Variants in DMD observed in about 807,000 individuals in gnomAD.
DMD encodes dystrophin.
A neutral mutation model predicts 330.1 loss-of-function variants in DMD; 63 were observed. The ratio of observed to expected loss-of-function variants is 0.19; its 90% CI spans 0.16 to 0.24. The LOEUF (loss-of-function observed/expected upper bound fraction) is 0.24, where lower values mean the gene tolerates loss of function less well. Among genes scored for constraint, DMD ranks in the 10% least tolerant of loss-of-function variants. The pLI, the probability that DMD is intolerant of heterozygous loss-of-function variation, is 1.00. For missense variants in DMD, 3,344 were observed against 2,684.1 expected (o/e 1.25, Z -5.43); for synonymous variants, 1,223 against 959.8 (o/e 1.27, Z -5.07).
chrX:32,051,586 G>C (rs2096115436), intron 44 of DMD, among the ~76,000 whole-genome samples: 1 of 109,490 alleles, frequency 9.1e-6, no homozygotes, highest in Non-Finnish European at 1.9e-5. Context: ...TAGGTGAAGT[G>C]AATGAATATG....
At chrX:32,243,955 C>CTTT (rs145842581) in intron 43 of DMD, among the ~76,000 whole-genome samples, 3,630 of 101,505 alleles carry the variant, frequency 0.036, 202 homozygotes, top group East Asian at 0.2. Context: ...GAGGAACGAA[C>CTTT]TTTTTTTTTT....
At chrX:32,291,485 G>T (rs1278648691) in intron 42 of DMD, among the ~76,000 whole-genome samples, 1 of 111,853 alleles carries the variant, frequency 8.9e-6, no homozygotes, top group Non-Finnish European at 1.9e-5. Flanking sequence ...TTCATTAATT[G>T]AATCAAGTAT....
chrX:32,913,732 T>C (rs1484087578), intron 2 of DMD, among the ~76,000 whole-genome samples: 2 of 111,712 alleles, frequency 1.8e-5, no homozygotes, highest in Non-Finnish European at 3.8e-5. Context: ...GCCTCACGAC[T>C]TTGTCCAAAG....
intron 41 of DMD, among the ~76,000 whole-genome samples, chrX:32,318,000 T>C (rs1420221696): frequency 9.0e-6 from 1 of 111,236 alleles, no homozygotes; most frequent in East Asian, 2.8e-4. Context: ...CAAAGGGACA[T>C]TCTTAAATAT....
chrX:31,935,960 G>A (rs949850199), intron 45 of DMD, among the ~76,000 whole-genome samples: 1 of 111,142 alleles, frequency 9.0e-6, no homozygotes, highest in African/African-American at 3.3e-5. Context: ...GAGGAGAGAT[G>A]TTGTGCTTAT....
At chrX:32,644,078 C>T in intron 11 of DMD, 54 bp downstream of exon 11, 1 of 1,043,507 alleles carries the variant, frequency 9.6e-7, no homozygotes, top group South Asian at 2.1e-5. Flanking sequence ...TCAAAATAAT[C>T]ACAAGCTTCC....
chrX:32,071,083 G>T (rs1454611039), intron 44 of DMD, among the ~76,000 whole-genome samples: 2 of 111,119 alleles, frequency 1.8e-5, no homozygotes, highest in African/African-American at 6.6e-5. Flanking sequence ...ATTTGGGTTG[G>T]TTCCAAGTCT....
At chrX:33,095,930 T>C (rs987388690) in intron 1 of DMD, among the ~76,000 whole-genome samples, 3 of 108,553 alleles carry the variant, frequency 2.8e-5, no homozygotes, top group Admixed American at 1.0e-4. Context: ...TGGTGTCCCT[T>C]AAGAGTGCTA....
chrX:31,670,127 T>G (rs2081667287), intron 53 of DMD, among the ~76,000 whole-genome samples: 1 of 111,902 alleles, frequency 8.9e-6, no homozygotes, highest in Non-Finnish European at 1.9e-5. Context: ...AAATAATTCA[T>G]TTTGTATATT....
At chrX:31,473,834 T>C (rs151141638) in intron 59 of DMD, among the ~76,000 whole-genome samples, 3,151 of 111,672 alleles carry the variant, frequency 0.028, 46 homozygotes, top group Non-Finnish European at 0.046. Context: ...TTAAAGCCTT[T>C]ATATATTCCA....
rs768432474 is a variant in DMD, at chrX:31,992,408, C to T, written c.6439-23894G>A. Among the ~76,000 whole-genome samples the T allele has an allele frequency of 1.0e-3, 116 of 111,711 alleles. 1 individual carries two copies. Among genetic ancestry groups the T allele is most frequent in the African/African-American group, 3.5e-3 (108 of 30,784 alleles). On this transcript the variant is annotated intron_variant, in intron 44 of 78. Coordinates refer to ENST00000357033, the MANE Select transcript of DMD (RefSeq NM_004006.3). Reference sequence around the variant, plus strand: ...TGCCTCCATGAGCAGGCCATTAAAACTATCTGGAAATGTTGAAAGGACTAT... The same window carrying T: ...TGCCTCCATGAGCAGGCCATTAAAATTATCTGGAAATGTTGAAAGGACTAT...
chrX:31,314,753 A>C (rs1157193730), intron 62 of DMD, among the ~76,000 whole-genome samples: 2 of 101,513 alleles, frequency 2.0e-5, no homozygotes, highest in Admixed American at 2.1e-4. Context: ...AGAGAGAGAG[A>C]GAGAGAGAGA....
intron 37 of DMD, among the ~76,000 whole-genome samples, chrX:32,352,994 T>A (rs2097786931): frequency 9.0e-6 from 1 of 111,218 alleles, no homozygotes; most frequent in Non-Finnish European, 1.9e-5. Flanking sequence ...GCCTTTTATT[T>A]TATACAGGAA....
intron 1 of DMD, among the ~76,000 whole-genome samples, chrX:33,202,875 G>A (rs1035067877): frequency 5.4e-5 from 6 of 111,551 alleles, no homozygotes; most frequent in Non-Finnish European, 1.1e-4. Flanking sequence ...GAGAACATAG[G>A]TGTTCAACAA....
intron 45 of DMD, among the ~76,000 whole-genome samples, chrX:31,947,469 A>G (rs751932873): frequency 8.9e-6 from 1 of 111,743 alleles, no homozygotes; most frequent in South Asian, 3.8e-4. Flanking sequence ...TTTAAGGTGT[A>G]CACGATGGGT....
At chrX:32,886,783 A>T (rs2084634271) in intron 2 of DMD, among the ~76,000 whole-genome samples, 1 of 112,281 alleles carries the variant, frequency 8.9e-6, no homozygotes, top group Admixed American at 9.4e-5. Context: ...CAACAAAAAT[A>T]AAAAACTAAA....
In DMD at chrX:32,591,195, T is replaced by G. The variant is rs1338681342; in HGVS notation, c.1602+4562A>C. Among the ~76,000 whole-genome samples, 4 of 111,797 alleles carry G rather than the reference T, an allele frequency of 3.6e-5. No homozygotes were observed. In the East Asian group the frequency reaches 1.1e-3, roughly 32 times the overall value. ...ATATACTTTTAATTCTCCAAAATAT[T>G]AGGCAGTAACTTCAATATTAAAGTA... On this transcript the variant is annotated intron_variant, in intron 13 of 78. Coordinates refer to ENST00000357033, the MANE Select transcript of DMD (RefSeq NM_004006.3).
In DMD at chrX:32,595,881, A is replaced by G; in HGVS notation, c.1483-5T>C. ...TTCTAGATCTTCTTGAAGCACCTGAAAGATAAAATGTTTTAAAGGAAATTA... is the reference window on the plus strand; with the variant it reads ...TTCTAGATCTTCTTGAAGCACCTGAGAGATAAAATGTTTTAAAGGAAATTA... On this transcript the variant is annotated splice_polypyrimidine_tract_variant and splice_region_variant and intron_variant, in intron 12 of 78. Transcript: ENST00000357033. 1 of 1,185,268 alleles carries G rather than the reference A, an allele frequency of 8.4e-7. No individual in the cohort carries two copies. The highest frequency in any genetic ancestry group is 1.1e-6 in the Non-Finnish European group (1 of 871,679).
chrX:32,038,223 C>T (rs754822717), intron 44 of DMD, among the ~76,000 whole-genome samples: 3 of 111,546 alleles, frequency 2.7e-5, no homozygotes, highest in Non-Finnish European at 5.7e-5. Context: ...GACATTAAGA[C>T]GGATCTATCG....
Sources: gnomAD v4.1 joint callset for allele counts (sites outside exome capture counted in the v4.1 genomes callset) on GRCh38, gnomAD v4.1.1 for gene constraint, MANE v1.5 for transcripts, NCBI Gene and HGNC (gene_info 2026-07-23, HGNC 2026-07-21) for gene names.